The following ROS1 variants were observed in gnomAD, a reference collection of about 807,000 sequenced individuals.
The protein encoded by ROS1 is ROS proto-oncogene 1, receptor tyrosine kinase, also known as proto-oncogene tyrosine-protein kinase ROS.
Under a neutral mutation model 273.5 loss-of-function variants are expected in ROS1, and 263 were observed. The observed-to-expected ratio is 0.96, with a 90% CI of 0.87 to 1.06. The LOEUF (loss-of-function observed/expected upper bound fraction) is 1.06. Among genes scored for constraint, ROS1 ranks in the 50% least tolerant of loss-of-function variants. The pLI, the probability that ROS1 is intolerant of heterozygous loss-of-function variation, is 0.00. For missense variants in ROS1, 2,833 were observed against 2,751.1 expected (o/e 1.03, Z -0.67); for synonymous variants, 1,008 against 954.1 (o/e 1.06, Z -1.04).
chr6:117,317,651 T>G (rs1165235584), intron 38 of ROS1, among the ~76,000 whole-genome samples: 1 of 152,216 alleles, frequency 6.6e-6, no homozygotes, highest in East Asian at 1.9e-4. Flanking sequence ...GAAATGCGGG[T>G]TTGGCTACAC....
intron 12 of ROS1, 108 bp downstream of exon 12, chr6:117,393,116 G>T: frequency 1.3e-6 from 1 of 743,748 alleles, no homozygotes; most frequent in Non-Finnish European, 2.4e-6. Flanking sequence ...AAAGTAAGAT[G>T]CATAGATAGG....
At chr6:117,404,945 A>G (rs543562669) in intron 5 of ROS1, among the ~76,000 whole-genome samples, 60 of 152,312 alleles carry the variant, frequency 3.9e-4, no homozygotes, top group African/African-American at 1.4e-3. Context: ...GTTTCACATT[A>G]TAAAATATTT....
chr6:117,295,393 A>G (rs1774152633), intron 43 of ROS1, among the ~76,000 whole-genome samples: 1 of 152,228 alleles, frequency 6.6e-6, no homozygotes, highest in Non-Finnish European at 1.5e-5. Flanking sequence ...TACTACAAGA[A>G]AATACTGGGG....
At chr6:117,370,727 A>G (rs892670788) in intron 18 of ROS1, among the ~76,000 whole-genome samples, 7 of 152,042 alleles carry the variant, frequency 4.6e-5, no homozygotes, top group Non-Finnish European at 7.4e-5. Context: ...ATGTAAAAAA[A>G]TGCATATTTT....
At chr6:117,310,772 T>C (rs1052743803) in intron 40 of ROS1, among the ~76,000 whole-genome samples, 6 of 152,190 alleles carry the variant, frequency 3.9e-5, no homozygotes, top group South Asian at 4.1e-4. Context: ...CCACATTTTC[T>C]TTACCCAGTC....
At chr6:117,321,989 T>C (rs1414981075) in intron 35 of ROS1, among the ~76,000 whole-genome samples, 1 of 151,896 alleles carries the variant, frequency 6.6e-6, no homozygotes, top group Non-Finnish European at 1.5e-5. Context: ...ACTGTCTTCC[T>C]TATATAATAA....
chr6:117,310,901 G>T (rs1775493589), intron 40 of ROS1, 119 bp downstream of exon 40: 2 of 587,920 alleles, frequency 3.4e-6, no homozygotes, highest in Non-Finnish European at 5.9e-6. Context: ...ACTTTTAATA[G>T]AAATTATTGC....
At chr6:117,421,503 A>C (rs1775754882) in intron 1 of ROS1, among the ~76,000 whole-genome samples, 1 of 152,072 alleles carries the variant, frequency 6.6e-6, no homozygotes. Context: ...AAGTGAGAAC[A>C]TACGGTATTT....
intron 23 of ROS1, 55 bp downstream of exon 23, chr6:117,360,287 C>CACACACACACACAA: frequency 7.4e-7 from 1 of 1,355,346 alleles, no homozygotes; most frequent in Non-Finnish European, 1.0e-6. Flanking sequence ...CACACACACA[C>CACACACACACACAA]ACACACACAC....
rs142182038 is a variant in ROS1 at position 117,404,015 on chromosome 6, T to A, written c.465+265A>T. 3.2e-3 allele frequency among the ~76,000 whole-genome samples: 488 copies of A among 152,290 alleles called. 2 individuals are homozygous for A. The highest frequency in any genetic ancestry group is 0.011 in the African/African-American group (444 of 41,566). ...ACTTTGGGAGGCCGAGGCGGGCGGA[T>A]CACGAGGTCAGGAGATGAGACCATC... On this transcript the variant is annotated intron_variant, in intron 6 of 43. Transcript: ENST00000368507.
chr6:117,420,981 T>A (rs1385313140), intron 1 of ROS1, among the ~76,000 whole-genome samples: 1 of 151,916 alleles, frequency 6.6e-6, no homozygotes, highest in African/African-American at 2.4e-5. Flanking sequence ...TCTAGAAATT[T>A]ATCCATTTAC....
rs2128622265 is a variant in ROS1 at position 117,341,397 on chromosome 6, T to C, written c.4884+3A>G. 1 of 1,612,570 alleles carries C rather than the reference T, an allele frequency of 6.2e-7. No homozygotes were observed. The highest frequency in any genetic ancestry group is 2.2e-5 in the East Asian group (1 of 44,870). ...TAAAGAGTGCCTAGTAAACTCACTG[T>C]ACCTTTAACACATAAATATTTCCAC... On this transcript the variant is annotated splice_donor_region_variant and intron_variant, in intron 30 of 43. Transcript: ENST00000368507.
At chr6:117,384,280 C>A (rs1345190818) in intron 16 of ROS1, among the ~76,000 whole-genome samples, 2 of 152,014 alleles carry the variant, frequency 1.3e-5, no homozygotes, top group Non-Finnish European at 2.9e-5. Context: ...GCTTCATATG[C>A]TTCTTTATTT....
At chr6:117,396,891 T>C in intron 8 of ROS1, 24 bp downstream of exon 8, 1 of 1,513,220 alleles carries the variant, frequency 6.6e-7, no homozygotes, top group Non-Finnish European at 9.2e-7. Flanking sequence ...GGTTACATTT[T>C]CCTCTGTATC....
At chr6:117,327,259 C>A (rs1021697463) in intron 33 of ROS1, among the ~76,000 whole-genome samples, 1 of 152,110 alleles carries the variant, frequency 6.6e-6, no homozygotes, top group Non-Finnish European at 1.5e-5. Flanking sequence ...GTAAGAACAT[C>A]GGGAGCAGCA....
chr6:117,352,158 G>C (rs1012666245), intron 27 of ROS1, among the ~76,000 whole-genome samples: 5 of 152,302 alleles, frequency 3.3e-5, no homozygotes, highest in Non-Finnish European at 4.4e-5. Flanking sequence ...TGGGCTCACT[G>C]CAAGCTCCGC....
intron 43 of ROS1, among the ~76,000 whole-genome samples, chr6:117,289,992 T>A (rs10484304): frequency 0.27 from 41,398 of 152,010 alleles, 6,531 homozygotes; most frequent in African/African-American, 0.42. Context: ...AGTACAGTAA[T>A]CCAATAATTG....
chr6:117,382,399 A>T (rs976805167), intron 17 of ROS1, among the ~76,000 whole-genome samples: 52 of 152,158 alleles, frequency 3.4e-4, no homozygotes, highest in Admixed American at 2.0e-3. Context: ...ATACATTTTT[A>T]AAATCATCTG....
intron 2 of ROS1, among the ~76,000 whole-genome samples, chr6:117,416,761 A>G (rs1380938948): frequency 6.6e-5 from 10 of 152,176 alleles, no homozygotes; most frequent in Admixed American, 6.5e-4. Flanking sequence ...ATAGGTAGAC[A>G]GTTTGGGGAG....
Sources: gnomAD v4.1 joint callset for allele counts (sites outside exome capture counted in the v4.1 genomes callset) on GRCh38, gnomAD v4.1.1 for gene constraint, MANE v1.5 for transcripts, NCBI Gene and HGNC (gene_info 2026-07-23, HGNC 2026-07-21) for gene names.